NCKAP5: variants seen among roughly 807,000 people sequenced by gnomAD.
NCKAP5 encodes NCK associated protein 5.
In NCKAP5, 92 loss-of-function variants were observed where a neutral mutation model predicts 167.0. The observed-to-expected ratio is 0.55, with a 90% confidence interval of 0.47 to 0.66. The LOEUF is 0.66. Among genes scored for constraint, NCKAP5 ranks in the 30% least tolerant of loss-of-function variants. The pLI, the probability that NCKAP5 is intolerant of heterozygous loss-of-function variation, is 0.00. For synonymous variants in NCKAP5, 891 were observed against 877.4 expected (o/e 1.02, Z -0.27); for missense variants, 2,378 against 2,315.0 (o/e 1.03, Z -0.56).
intron 7 of NCKAP5, among the ~76,000 whole-genome samples, chr2:132,986,342 T>C (rs548732396): frequency 6.6e-6 from 1 of 152,310 alleles, no homozygotes; most frequent in South Asian, 2.1e-4. Context: ...CACTGGTTCC[T>C]AGCACAGATC....
At chr2:132,858,674 A>T (rs951265433) in intron 11 of NCKAP5, among the ~76,000 whole-genome samples, 1 of 152,204 alleles carries the variant, frequency 6.6e-6, no homozygotes, top group African/African-American at 2.4e-5. Flanking sequence ...AATATTATTT[A>T]AATTAGAATG....
chr2:132,895,346 C>CAA (rs563409400), intron 8 of NCKAP5, among the ~76,000 whole-genome samples: 49 of 71,254 alleles, frequency 6.9e-4, no homozygotes, highest in Middle Eastern at 8.2e-3. Context: ...GACTCTGTCT[C>CAA]AAAAAAAAAA....
chr2:132,864,538 C>T (rs1473744201), intron 10 of NCKAP5, among the ~76,000 whole-genome samples: 1 of 152,140 alleles, frequency 6.6e-6, no homozygotes, highest in East Asian at 1.9e-4. Flanking sequence ...TCTGGAGGAT[C>T]CACACACTGT....
chr2:132,843,049 T>C (rs1352366872), intron 11 of NCKAP5, among the ~76,000 whole-genome samples: 1 of 152,196 alleles, frequency 6.6e-6, no homozygotes, highest in Admixed American at 6.5e-5. Context: ...TATTAGCTTA[T>C]TATCAGATAG....
chr2:132,918,614 A>G (rs1451937854), intron 8 of NCKAP5, among the ~76,000 whole-genome samples: 1 of 152,220 alleles, frequency 6.6e-6, no homozygotes, highest in Admixed American at 6.5e-5. Flanking sequence ...GATGATGACA[A>G]TGCTATTATA....
chr2:133,456,435 T>G (rs898511735), intron 3 of NCKAP5, among the ~76,000 whole-genome samples: 10 of 152,098 alleles, frequency 6.6e-5, no homozygotes, highest in African/African-American at 2.2e-4. Context: ...GAAGTGACCT[T>G]GAGAGCAGAA....
chr2:133,661,592 T>A, the NCKAP5 span, among the ~76,000 whole-genome samples: 328 of 152,338 alleles, frequency 2.2e-3, 1 homozygote, highest in African/African-American at 7.7e-3. Context: ...CATGAATCCC[T>A]GCTATCGCTA....
chr2:133,576,525 T>C, the NCKAP5 span, among the ~76,000 whole-genome samples: 8 of 152,232 alleles, frequency 5.3e-5, no homozygotes, highest in African/African-American at 4.8e-5. Flanking sequence ...TGCAAACATA[T>C]AGTACTTCAG....
At chr2:133,251,558 A>T (rs2088334722) in intron 4 of NCKAP5, among the ~76,000 whole-genome samples, 1 of 152,192 alleles carries the variant, frequency 6.6e-6, no homozygotes, top group Non-Finnish European at 1.5e-5. Flanking sequence ...AAAGTATAAA[A>T]AAAGCATATA....
chr2:132,903,827 A>G (rs1275490770), intron 8 of NCKAP5, among the ~76,000 whole-genome samples: 1 of 152,182 alleles, frequency 6.6e-6, no homozygotes, highest in Non-Finnish European at 1.5e-5. Flanking sequence ...ACAAACTATG[A>G]TGAAAGCAAA....
At chr2:132,957,668 A>G (rs2076383225) in intron 8 of NCKAP5, among the ~76,000 whole-genome samples, 1 of 152,132 alleles carries the variant, frequency 6.6e-6, no homozygotes, top group Non-Finnish European at 1.5e-5. Context: ...AAGAAACCAG[A>G]AAGCTAGACA....
chr2:133,560,548 G>A (rs1225527460), intron 1 of NCKAP5, among the ~76,000 whole-genome samples: 1 of 152,212 alleles, frequency 6.6e-6, no homozygotes, highest in African/African-American at 2.4e-5. Flanking sequence ...CAGGAGGATA[G>A]AGTGGGGAGA....
At position 132,827,660 on chromosome 2, in the gene NCKAP5, C is replaced by A. The variant is rs189002488; in HGVS notation, c.808-30931G>T. On this transcript the variant is annotated intron_variant, in intron 11 of 19. Coordinates refer to ENST00000409261, the MANE Select transcript of NCKAP5 (RefSeq NM_207363.3). ...AGTTAAAAACCTAGACAGTCTGGCT[C>A]CAGAGTGTGTGTGCTTTTCATCTAT... 2.0e-5 allele frequency among the ~76,000 whole-genome samples: 3 copies of A among 152,232 alleles called. No homozygotes were observed. In the East Asian group the frequency reaches 5.8e-4, roughly 29 times the overall value.
intron 3 of NCKAP5, among the ~76,000 whole-genome samples, chr2:133,481,929 T>G (rs908217456): frequency 6.6e-6 from 1 of 152,198 alleles, no homozygotes; most frequent in African/African-American, 2.4e-5. Context: ...AATTATACCT[T>G]CAATCTTACT....
At chr2:133,154,795 G>A (rs2083512859) in intron 5 of NCKAP5, among the ~76,000 whole-genome samples, 1 of 152,154 alleles carries the variant, frequency 6.6e-6, no homozygotes, top group Non-Finnish European at 1.5e-5. Flanking sequence ...CAGAGGGAGT[G>A]GTCTATTTGA....
At chr2:133,147,395 A>G (rs371102635) in intron 5 of NCKAP5, among the ~76,000 whole-genome samples, 1 of 152,164 alleles carries the variant, frequency 6.6e-6, no homozygotes, top group Admixed American at 6.6e-5. Context: ...AAAATAACCT[A>G]TTAAGGCTAC....
chr2:132,751,662 A>C (rs1325328905), intron 16 of NCKAP5, among the ~76,000 whole-genome samples: 1 of 152,202 alleles, frequency 6.6e-6, no homozygotes, highest in East Asian at 1.9e-4. Flanking sequence ...GCAGGGTTCC[A>C]TTGCTGGTCC....
chr2:133,494,242 C>T (rs898538926), intron 3 of NCKAP5, among the ~76,000 whole-genome samples: 2 of 152,190 alleles, frequency 1.3e-5, no homozygotes, highest in Non-Finnish European at 2.9e-5. Flanking sequence ...AAAAACCATA[C>T]AGGCTTACCA....
chr2:133,027,362 T>G (rs1353262446), intron 6 of NCKAP5, among the ~76,000 whole-genome samples: 1 of 152,246 alleles, frequency 6.6e-6, no homozygotes, highest in Non-Finnish European at 1.5e-5. Flanking sequence ...TTGGTACCTA[T>G]ATTCCAAACC....
Sources: allele counts gnomAD v4.1 joint callset (sites outside exome capture counted in the v4.1 genomes callset), GRCh38; gene constraint gnomAD v4.1.1; transcripts MANE v1.5; gene names NCBI Gene and HGNC (gene_info 2026-07-23, HGNC 2026-07-21).